PLEKHA7: variants seen among roughly 807,000 people sequenced by gnomAD.
PLEKHA7 encodes pleckstrin homology domain-containing family A member 7.
PLEKHA7 carries 104 observed loss-of-function variants against 170.0 expected under a neutral mutation model. That is an observed-to-expected ratio of 0.61 (90% CI 0.52 to 0.72). The LOEUF is 0.72. Ranked by LOEUF, PLEKHA7 falls within the 30% of genes least tolerant of loss-of-function variation. The pLI is 0.00. For synonymous variants in PLEKHA7, 648 were observed against 660.8 expected (o/e 0.98, Z 0.30); for missense variants, 1,615 against 1,671.7 (o/e 0.97, Z 0.59).
chr11:16,789,759 G>A lies in PLEKHA7; in HGVS notation c.3156+16C>T, dbSNP rs759846798. 20 of 1,604,754 alleles carry A rather than the reference G, an allele frequency of 1.2e-5. No homozygotes were observed. Among genetic ancestry groups the A allele is most frequent in the Non-Finnish European group, 1.6e-5 (19 of 1,172,050 alleles). On this transcript the variant is annotated intron_variant, in intron 22 of 26. Transcript: ENST00000531066. This position sits in a 1 kb window ranked among gnomAD's most constrained non-coding sequence, Gnocchi z 4.6. Reference sequence around the variant, plus strand: ...TGAAGGAGCAGGGAGGTCCTCGACAGCTCAAGGCCACTCACAGGGAAGGTC... The same window carrying A: ...TGAAGGAGCAGGGAGGTCCTCGACAACTCAAGGCCACTCACAGGGAAGGTC...
chr11:17,007,971 C>G (rs779440259), intron 3 of PLEKHA7, among the ~76,000 whole-genome samples: 9 of 152,148 alleles, frequency 5.9e-5, no homozygotes, highest in Non-Finnish European at 1.0e-4. Context: ...AATACTTTTT[C>G]CTTCTTTTTC....
chr11:17,014,300 G>T lies in PLEKHA7; in HGVS notation c.86+16C>A, dbSNP rs1286534970. 2.1e-6 allele frequency: 3 copies of T among 1,436,340 alleles called. No individual in the cohort carries two copies. The African/African-American group carries it at 4.5e-5, about 21-fold the overall frequency. The allele number at this position is 1,436,340 out of a possible 1,614,324, so 89.0% of individuals were successfully genotyped here. On this transcript the variant is annotated intron_variant, in intron 1 of 26. Coordinates refer to ENST00000531066, the MANE Select transcript of PLEKHA7 (RefSeq NM_001329630.2). ...CCCCACCCGCGTCCCCGCGTCCCCG[G>T]GTCCTCGCGCCGCACTTGATGAAGA...
chr11:16,794,613 G>A lies in PLEKHA7; in HGVS notation c.2620C>T (p.Arg874Trp), dbSNP rs750024990. The change falls in exon 19 of 27, where the codon CGG becomes TGG. Residue 874 changes from arginine to tryptophan, a missense_variant. Arg to Trp is a moderately radical substitution (Grantham distance 101). Transcript: ENST00000531066. ...PQPSPPTSPV[R>W]TPLEVRLFPQ... Reference sequence around the variant, plus strand: ...AAGAGTCGAACCTCCAGAGGGGTCCGCACAGGGCTGGTGGGAGGACTGGGC... The same window carrying A: ...AAGAGTCGAACCTCCAGAGGGGTCCACACAGGGCTGGTGGGAGGACTGGGC... 9.3e-6 allele frequency: 15 copies of A among 1,613,496 alleles called. No homozygotes were observed. Among genetic ancestry groups the A allele is most frequent in the South Asian group, 1.1e-5 (1 of 91,010 alleles).
In PLEKHA7 at chr11:16,826,363, G is replaced by A; in HGVS notation, c.1100C>T (p.Pro367Leu). ...CATAAACAAGGCATCCTCCTCGGCT[G>A]GCGAGTACGGAGACCTGGCCTTGCT... The part of the protein sequence containing the change: ...DRSKARSPYS[P>L]AEEDALFMDL... Residue 367 changes from proline (P) to leucine (L), a missense_variant, in exon 10 of 27, where the codon CCA (proline) becomes CTA (leucine). Transcript: ENST00000531066. 1.9e-6 allele frequency: 3 copies of A among 1,614,252 alleles called. No homozygotes were observed. The highest frequency in any genetic ancestry group is 2.2e-5 in the East Asian group (1 of 44,888).
intron 4 of PLEKHA7, among the ~76,000 whole-genome samples, chr11:16,859,547 C>T (rs1853763291): frequency 6.6e-6 from 1 of 152,188 alleles, no homozygotes; most frequent in Non-Finnish European, 1.5e-5. Context: ...GTACAGCCTC[C>T]CGAAGAGACA....
chr11:16,944,940 T>A (rs1377066527), intron 3 of PLEKHA7, among the ~76,000 whole-genome samples: 1 of 152,194 alleles, frequency 6.6e-6, no homozygotes, highest in Non-Finnish European at 1.5e-5. Flanking sequence ...ATAAGAACTT[T>A]AAGGATCAGA....
intron 9 of PLEKHA7, among the ~76,000 whole-genome samples, chr11:16,828,423 G>A (rs1437501255): frequency 6.6e-6 from 1 of 152,148 alleles, no homozygotes; most frequent in African/African-American, 2.4e-5. Flanking sequence ...CAGCCATGTG[G>A]AACTGTGAGT....
intron 16 of PLEKHA7, among the ~76,000 whole-genome samples, 166 bp downstream of exon 16, chr11:16,801,502 C>T (rs1848594329): frequency 6.6e-6 from 1 of 152,224 alleles, no homozygotes; most frequent in Non-Finnish European, 1.5e-5. Flanking sequence ...ATGTCACCCC[C>T]AGACAAGGTT....
chr11:16,793,456 G>A (rs536818701), intron 19 of PLEKHA7, among the ~76,000 whole-genome samples: 1 of 152,354 alleles, frequency 6.6e-6, no homozygotes, highest in South Asian at 2.1e-4. Flanking sequence ...ACTATGGCTG[G>A]AAGCAGGTAG....
At chr11:16,891,162 G>A (rs573158332) in intron 3 of PLEKHA7, among the ~76,000 whole-genome samples, 1 of 151,946 alleles carries the variant, frequency 6.6e-6, no homozygotes, top group Non-Finnish European at 1.5e-5. Context: ...CAATCCTCCC[G>A]CCTTGGCCTC....
intron 3 of PLEKHA7, among the ~76,000 whole-genome samples, chr11:16,900,311 T>A (rs1202075346): frequency 6.6e-6 from 1 of 152,130 alleles, no homozygotes; most frequent in Non-Finnish European, 1.5e-5. Flanking sequence ...GATCCATAAA[T>A]CTTGTTTAAA....
intron 3 of PLEKHA7, among the ~76,000 whole-genome samples, chr11:16,875,152 G>A (rs1056009349): frequency 6.6e-6 from 1 of 152,166 alleles, no homozygotes; most frequent in African/African-American, 2.4e-5. Flanking sequence ...CAAAAGAGTT[G>A]TCAGTCACAG....
intron 8 of PLEKHA7, among the ~76,000 whole-genome samples, chr11:16,847,087 T>C (rs1852477912): frequency 8.3e-6 from 1 of 120,990 alleles, no homozygotes; most frequent in Non-Finnish European, 1.8e-5. Context: ...AGTTTTTTTT[T>C]TTCTTTTTTT....
At chr11:16,801,628 G>T in intron 16 of PLEKHA7, 40 bp downstream of exon 16, 2 of 1,611,782 alleles carry the variant, frequency 1.2e-6, no homozygotes, top group East Asian at 2.2e-5. Context: ...CCCTTGCTCA[G>T]CCCGTCCTGA....
At chr11:16,804,763 T>C (rs887031699) in intron 13 of PLEKHA7, among the ~76,000 whole-genome samples, 1 of 152,126 alleles carries the variant, frequency 6.6e-6, no homozygotes, top group African/African-American at 2.4e-5. Flanking sequence ...CCGGAAAAAA[T>C]AGAACTCCAG....
chr11:16,908,279 G>GAA (rs35715580), intron 3 of PLEKHA7, among the ~76,000 whole-genome samples: 50 of 141,398 alleles, frequency 3.5e-4, no homozygotes, highest in African/African-American at 8.9e-4. Flanking sequence ...AAGAAAATTG[G>GAA]AAAAAAAAAA....
At chr11:16,911,759 C>T (rs1020751560) in intron 3 of PLEKHA7, among the ~76,000 whole-genome samples, 1 of 152,114 alleles carries the variant, frequency 6.6e-6, no homozygotes, top group Non-Finnish European at 1.5e-5. Context: ...GCTCTTTCCC[C>T]ACGCTCTCCC....
intron 3 of PLEKHA7, among the ~76,000 whole-genome samples, chr11:16,993,179 T>C (rs1005565025): frequency 3.9e-5 from 6 of 152,156 alleles, no homozygotes; most frequent in South Asian, 2.1e-4. Context: ...TGATCAGCCA[T>C]AGAAATCAGT....
intron 3 of PLEKHA7, among the ~76,000 whole-genome samples, chr11:16,983,937 A>G (rs1340147974): frequency 2.0e-5 from 3 of 152,154 alleles, no homozygotes; most frequent in Non-Finnish European, 4.4e-5. Context: ...ACAATTAGCC[A>G]GGCATGGTGG....
Sources: allele counts gnomAD v4.1 joint callset (sites outside exome capture counted in the v4.1 genomes callset), GRCh38; gene constraint gnomAD v4.1.1; non-coding constraint Gnocchi (gnomAD v3.1); transcripts MANE v1.5; gene names NCBI Gene and HGNC (gene_info 2026-07-23, HGNC 2026-07-21).